Variants in DKKL1 observed in about 807,000 individuals in gnomAD.
DKKL1 encodes the protein dickkopf-like protein 1.
A neutral mutation model predicts 16.5 loss-of-function variants in DKKL1; 11 were observed. The ratio of observed to expected loss-of-function variants is 0.67; its 90% CI spans 0.42 to 1.10. DKKL1 has a LOEUF of 1.10. Among genes scored for constraint, DKKL1 ranks in the 50% least tolerant of loss-of-function variants. The probability of loss-of-function intolerance (pLI) is 0.00; values close to 1 mark genes in which losing one functional copy is unlikely to be tolerated. For synonymous variants in DKKL1, 119 were observed against 133.2 expected (o/e 0.89, Z 0.73); for missense variants, 320 against 308.1 (o/e 1.04, Z -0.29).
intron 2 of DKKL1, 148 bp from the exon 3 acceptor site, chr19:49,365,361 T>G: frequency 1.1e-6 from 1 of 887,856 alleles, no homozygotes; most frequent in East Asian, 2.9e-5. Flanking sequence ...AGGCCGGAGG[T>G]TAGGCCCTAA....
intron 4 of DKKL1, among the ~76,000 whole-genome samples, chr19:49,367,406 CTTTTT>C (rs10648468): frequency 1.5e-5 from 2 of 131,804 alleles, no homozygotes; most frequent in Non-Finnish European, 3.2e-5. Context: ...CTTTGGTAAA[CTTTTT>C]TTTTTTTTTT....
chr19:49,372,038 G>A (rs539816123), intron 4 of DKKL1, among the ~76,000 whole-genome samples: 104 of 152,184 alleles, frequency 6.8e-4, no homozygotes, highest in African/African-American at 2.5e-3. Context: ...AATTGGGTTG[G>A]TTCCAATTCT....
chr19:49,364,715 C>T lies in DKKL1; in HGVS notation c.144C>T (p.Leu48=), dbSNP rs779649917. 1 of 1,613,824 alleles carries T rather than the reference C, an allele frequency of 6.2e-7. No individual in the cohort carries two copies. The highest frequency in any genetic ancestry group is 1.1e-5 in the South Asian group (1 of 91,072). The change falls in exon 2 of 5, where the codon CTC becomes CTT. Residue 48 remains leucine, a synonymous_variant. Transcript: ENST00000221498. ...AGAGCTCCTTGGGTCTCACAGGCCT[C>T]CAGAGCCTACTCCAAGGCTTCAGCC... ...AQESSLGLTG[L]QSLLQGFSRL...
At chr19:49,362,468 G>C (rs1160404655), upstream of DKKL1, 2 of 151,756 alleles carry the variant, frequency 1.3e-5, no homozygotes, top group East Asian at 1.9e-4. Flanking sequence ...AGGGACCGGA[G>C]GGGGGGGCGG....
chr19:49,364,621 T>G lies in DKKL1; in HGVS notation c.50T>G (p.Leu17Arg). The G allele has an allele frequency of 6.2e-7, 1 of 1,613,296 alleles. No homozygotes were observed. Among genetic ancestry groups the G allele is most frequent in the Non-Finnish European group, 8.5e-7 (1 of 1,179,962 alleles). The change falls in exon 2 of 5, where the codon CTG becomes CGG. Residue 17 changes from leucine to arginine, a missense_variant. Physicochemically the swap from Leu to Arg is moderately radical, Grantham distance 102 (BLOSUM62 -2). Coordinates refer to ENST00000221498, the MANE Select transcript of DKKL1 (RefSeq NM_014419.4). The part of the protein sequence containing the change: ...PAPARRHLLV[L>R]LLLLSTLVIP... The stretch of plus-strand genomic sequence containing the variant: ...CCCGCAAGGCGGCATCTGCTGGTCC[T>G]GCTGCTGCTCCTCTCTACCCTGGTG...
intron 4 of DKKL1, 146 bp downstream of exon 4, chr19:49,366,031 A>G: frequency 1.5e-6 from 1 of 682,064 alleles, no homozygotes; most frequent in East Asian, 3.1e-5. Context: ...AAGTTCAGGC[A>G]ATTCTCCTGC....
At chr19:49,366,077 G>A (rs566132358) in intron 4 of DKKL1, among the ~76,000 whole-genome samples, 192 bp downstream of exon 4, 27 of 152,226 alleles carry the variant, frequency 1.8e-4, no homozygotes, top group African/African-American at 5.3e-4. Context: ...ACAGGCACCT[G>A]CCACCACGCC....
At chr19:49,362,708 T>TG (rs1446636158), upstream of DKKL1, among the ~76,000 whole-genome samples, 3 of 147,390 alleles carry the variant, frequency 2.0e-5, no homozygotes, top group East Asian at 6.0e-4. Context: ...CTCCTGGGTC[T>TG]GGGGGCTGGG....
At chr19:49,373,756 A>G (rs1973605312) in intron 4 of DKKL1, among the ~76,000 whole-genome samples, 1 of 152,026 alleles carries the variant, frequency 6.6e-6, no homozygotes, top group African/African-American at 2.4e-5. Context: ...CACATGAGCC[A>G]CCGCGTCCAG....
chr19:49,366,839 C>G (rs1013608785), intron 4 of DKKL1, among the ~76,000 whole-genome samples: 8 of 151,378 alleles, frequency 5.3e-5, no homozygotes, highest in African/African-American at 1.7e-4. Context: ...TCCGGAATAG[C>G]TGGAACTACA....
upstream of DKKL1, chr19:49,363,630 G>T (rs1049380330): frequency 1.2e-5 from 4 of 347,102 alleles, no homozygotes; most frequent in African/African-American, 2.7e-5. Flanking sequence ...GGACTTCCAG[G>T]ACTTGGTCTC....
intron 4 of DKKL1, among the ~76,000 whole-genome samples, chr19:49,374,237 C>CTG (rs2146807828): frequency 6.6e-6 from 1 of 152,324 alleles, no homozygotes; most frequent in Non-Finnish European, 1.5e-5. Context: ...CCGCCAGCCT[C>CTG]GGCCTCCCAC....
chr19:49,364,501 C>T, intron 1 of DKKL1, 81 bp from the exon 2 acceptor site: 1 of 1,319,544 alleles, frequency 7.6e-7, no homozygotes, highest in Non-Finnish European at 1.0e-6. Context: ...GGGGAGGCGA[C>T]CTGGGCAAGG....
At chr19:49,369,765 C>T (rs1199423373) in intron 4 of DKKL1, 1 of 154,222 alleles carries the variant, frequency 6.5e-6, no homozygotes, top group Non-Finnish European at 1.4e-5. Context: ...TGGCACGGCT[C>T]TGTGGCTCAC....
chr19:49,371,933 T>C (rs896351804), intron 4 of DKKL1, among the ~76,000 whole-genome samples: 2 of 152,218 alleles, frequency 1.3e-5, no homozygotes, highest in South Asian at 4.1e-4. Context: ...TCCATGTCCC[T>C]GCAAAGGACA....
chr19:49,363,794 T>C, upstream of DKKL1: 1 of 687,816 alleles, frequency 1.5e-6, no homozygotes, highest in Non-Finnish European at 2.6e-6. Context: ...CCCGGGCTCC[T>C]GGGTGAGGCC....
intron 4 of DKKL1, among the ~76,000 whole-genome samples, chr19:49,371,796 G>C (rs568293056): frequency 5.3e-5 from 8 of 151,346 alleles, no homozygotes; most frequent in African/African-American, 1.9e-4. Context: ...GACAGGTCCT[G>C]GTGTGTGATG....
intron 4 of DKKL1, among the ~76,000 whole-genome samples, chr19:49,371,313 T>A (rs1973474503): frequency 6.6e-6 from 1 of 152,240 alleles, no homozygotes; most frequent in South Asian, 2.1e-4. Context: ...AGCAACCATC[T>A]GGACCGTGAG....
At chr19:49,362,160 AC>A (rs1401406707), upstream of DKKL1, among the ~76,000 whole-genome samples, 3 of 151,886 alleles carry the variant, frequency 2.0e-5, no homozygotes, top group Non-Finnish European at 4.4e-5. Context: ...CCAAACTCAG[AC>A]CCAGCCGCAG....
Sources: allele counts gnomAD v4.1 joint callset (sites outside exome capture counted in the v4.1 genomes callset), GRCh38; gene constraint gnomAD v4.1.1; transcripts MANE v1.5; gene names NCBI Gene and HGNC (gene_info 2026-07-23, HGNC 2026-07-21).